Variants in PARPBP observed in about 807,000 individuals in gnomAD.
PARPBP encodes PCNA-interacting partner.
PARPBP carries 52 observed loss-of-function variants against 50.0 expected under a neutral mutation model. That is an observed-to-expected ratio of 1.04 (90% confidence interval 0.83 to 1.31). The LOEUF (loss-of-function observed/expected upper bound fraction) is 1.31. Ranked by LOEUF, PARPBP falls within the 50% of genes most tolerant of loss-of-function variation. The probability of loss-of-function intolerance (pLI) is 0.00; values close to 1 mark genes in which losing one functional copy is unlikely to be tolerated. For synonymous variants in PARPBP, 244 were observed against 232.1 expected (o/e 1.05, Z -0.47); for missense variants, 697 against 672.0 (o/e 1.04, Z -0.41).
chr12:102,167,766 C>T (rs1445260864), intron 6 of PARPBP, among the ~76,000 whole-genome samples: 1 of 152,106 alleles, frequency 6.6e-6, no homozygotes, highest in Non-Finnish European at 1.5e-5. Flanking sequence ...TGTTTTTAGT[C>T]CTGCTGCCCC....
intron 9 of PARPBP, among the ~76,000 whole-genome samples, chr12:102,192,792 G>A (rs1890912932): frequency 1.3e-5 from 2 of 151,754 alleles, no homozygotes; most frequent in African/African-American, 4.8e-5. Flanking sequence ...AGCCATCCTA[G>A]TAATCTCTAG....
intron 2 of PARPBP, among the ~76,000 whole-genome samples, chr12:102,147,504 G>C (rs1463405554): frequency 6.8e-6 from 1 of 147,518 alleles, no homozygotes; most frequent in Non-Finnish European, 1.5e-5. Flanking sequence ...ATCATAGATG[G>C]AATTGAACAA....
chr12:102,152,498 T>C (rs920844846), intron 3 of PARPBP, among the ~76,000 whole-genome samples: 5 of 152,208 alleles, frequency 3.3e-5, no homozygotes, highest in African/African-American at 9.7e-5. Flanking sequence ...ACATATGTGG[T>C]AAGAATTTAT....
intron 3 of PARPBP, among the ~76,000 whole-genome samples, chr12:102,150,732 G>A (rs1339322382): frequency 6.6e-6 from 1 of 152,212 alleles, no homozygotes; most frequent in Non-Finnish European, 1.5e-5. Context: ...CCTGGGGTGA[G>A]GAGCAGAAAT....
At chr12:102,141,261 T>A (rs1235383748) in intron 2 of PARPBP, among the ~76,000 whole-genome samples, 1 of 152,096 alleles carries the variant, frequency 6.6e-6, no homozygotes, top group Non-Finnish European at 1.5e-5. Flanking sequence ...CTGTTTTGAT[T>A]TTTGTTGGTT....
At position 102,141,543 on chromosome 12, in the gene PARPBP, T is replaced by G. The variant is rs1432565084; in HGVS notation, c.154-6687T>G. Among the ~76,000 whole-genome samples the G allele has an allele frequency of 5.3e-5, 8 of 152,330 alleles. No individual in the cohort carries two copies. The East Asian group carries it at 1.2e-3, about 22-fold the overall frequency. Reference sequence around the variant, plus strand: ...TCCTGTCATTATGATGTTAGCGGGTTATTTTGCTCGTTAGTTGATGCAGTT... The same window carrying G: ...TCCTGTCATTATGATGTTAGCGGGTGATTTTGCTCGTTAGTTGATGCAGTT... On this transcript the variant is annotated intron_variant, in intron 2 of 10. Transcript: ENST00000327680.
At chr12:102,165,209 A>G (rs1240053750) in intron 5 of PARPBP, among the ~76,000 whole-genome samples, 1 of 152,202 alleles carries the variant, frequency 6.6e-6, no homozygotes, top group African/African-American at 2.4e-5. Context: ...CTTTTGAACT[A>G]TACATGATCC....
chr12:102,148,905 GTAT>G (rs1358510655), intron 3 of PARPBP: 2 of 153,820 alleles, frequency 1.3e-5, no homozygotes, highest in African/African-American at 2.4e-5. Context: ...TATGAAAATA[GTAT>G]TATGCAATAT....
At chr12:102,159,392 G>T (rs566581906) in intron 4 of PARPBP, among the ~76,000 whole-genome samples, 1 of 152,278 alleles carries the variant, frequency 6.6e-6, no homozygotes, top group Non-Finnish European at 1.5e-5. Flanking sequence ...CTCCCAAAGT[G>T]CTGGAATTAC....
In PARPBP at chr12:102,182,585, AAG is replaced by A. The variant is rs780746301; in HGVS notation, c.1225_1226del (p.Glu409ThrfsTer12). The A allele has an allele frequency of 1.9e-6, 3 of 1,612,348 alleles. No individual in the cohort carries two copies. The East Asian group carries it at 6.7e-5, about 36-fold the overall frequency. On this transcript the variant is annotated frameshift_variant, in exon 9 of 11. Coordinates refer to ENST00000327680, the MANE Select transcript of PARPBP (RefSeq NM_017915.5). LOFTEE classifies it high-confidence loss of function. Reference protein sequence around the residue: ...TQVNNSIKPLRERICVSMQEK... With the variant: ...TQVNNSIKPLXERICVSMQEK... ...AGGTGAATAATTCGATAAAACCCCT[AAG>A]AGAACGCATCTGTGTGTCAATGCAA... is the stretch of plus-strand genomic sequence containing the variant.
At chr12:102,121,227 C>T (rs1354126669) in intron 1 of PARPBP, among the ~76,000 whole-genome samples, 2 of 152,162 alleles carry the variant, frequency 1.3e-5, no homozygotes, top group Non-Finnish European at 2.9e-5. Flanking sequence ...ACTGGCTGTG[C>T]TGCCTGTTTT....
chr12:102,196,143 A>G lies in PARPBP; in HGVS notation c.1592A>G (p.His531Arg). 6.2e-7 allele frequency: 1 copy of G among 1,612,210 alleles called. No individual in the cohort carries two copies. The highest frequency in any genetic ancestry group is 8.5e-7 in the Non-Finnish European group (1 of 1,178,702). The change falls in exon 11 of 11, where the codon CAT (histidine) becomes CGT (arginine). Residue 531 changes from histidine (H) to arginine (R), a missense_variant. By Grantham distance (29) the His-to-Arg change is conservative. Coordinates refer to ENST00000327680, the MANE Select transcript of PARPBP (RefSeq NM_017915.5). ...GATAATAGAAATGAACCACCTCAAC[A>G]TAAAAATGCTAAAATACCTAAGAAA... Reference protein sequence around the residue: ...LCDNRNEPPQHKNAKIPKKSN... With the variant: ...LCDNRNEPPQRKNAKIPKKSN...
At chr12:102,144,031 A>AT in intron 2 of PARPBP, among the ~76,000 whole-genome samples, 1 of 152,304 alleles carries the variant, frequency 6.6e-6, no homozygotes, top group Non-Finnish European at 1.5e-5. Context: ...GGAAATTGAC[A>AT]TTTTTGATTA....
chr12:102,168,549 A>C (rs1391890249), intron 6 of PARPBP, among the ~76,000 whole-genome samples: 1 of 152,160 alleles, frequency 6.6e-6, no homozygotes, highest in East Asian at 1.9e-4. Context: ...TTTTATAAAT[A>C]AAATAAAATT....
chr12:102,142,071 T>A (rs867158461), intron 2 of PARPBP, among the ~76,000 whole-genome samples: 47 of 152,358 alleles, frequency 3.1e-4, no homozygotes, highest in South Asian at 6.2e-4. Context: ...GATAATATCC[T>A]GCAGAGTGTT....
chr12:102,168,806 T>G (rs1312656407), intron 6 of PARPBP, among the ~76,000 whole-genome samples: 2 of 152,202 alleles, frequency 1.3e-5, no homozygotes, highest in East Asian at 3.8e-4. Context: ...CATTTTATCT[T>G]ATAATTTCAA....
At chr12:102,191,759 A>C (rs1278325772) in intron 9 of PARPBP, among the ~76,000 whole-genome samples, 10 of 152,178 alleles carry the variant, frequency 6.6e-5, no homozygotes. Context: ...CTGTGGATAG[A>C]AATATTTCCA....
At chr12:102,174,910 C>G (rs769432419) in intron 6 of PARPBP, among the ~76,000 whole-genome samples, 3 of 152,162 alleles carry the variant, frequency 2.0e-5, no homozygotes, top group African/African-American at 4.8e-5. Flanking sequence ...TTTCCTCTTC[C>G]ATGTAATAAA....
chr12:102,143,072 A>G (rs1884864299), intron 2 of PARPBP, among the ~76,000 whole-genome samples: 1 of 152,178 alleles, frequency 6.6e-6, no homozygotes, highest in African/African-American at 2.4e-5. Context: ...TTGTTCAGCT[A>G]TGCCCCGCCC....
Sources: gnomAD v4.1 joint callset for allele counts (sites outside exome capture counted in the v4.1 genomes callset) on GRCh38, gnomAD v4.1.1 for gene constraint, MANE v1.5 for transcripts, NCBI Gene and HGNC (gene_info 2026-07-23, HGNC 2026-07-21) for gene names.